The following EFNA5 variants were observed in gnomAD, a reference collection of about 807,000 sequenced individuals.
EFNA5 encodes ephrin A5.
Under a neutral mutation model 22.9 loss-of-function variants are expected in EFNA5, and 5 were observed. That is an observed-to-expected ratio of 0.22 (90% CI 0.11 to 0.46). The LOEUF is 0.46. EFNA5 is among the 20% of genes least tolerant of loss of function. The pLI, the probability that EFNA5 is intolerant of heterozygous loss-of-function variation, is 0.99. For missense variants in EFNA5, 237 were observed against 293.3 expected (o/e 0.81, Z 1.40); for synonymous variants, 113 against 112.2 (o/e 1.01, Z -0.04).
chr5:107,485,592 C>T (rs938205094), intron 1 of EFNA5, among the ~76,000 whole-genome samples: 4 of 152,258 alleles, frequency 2.6e-5, no homozygotes, highest in Admixed American at 2.6e-4. Context: ...TATTGCCATA[C>T]CTACTTCCTA....
At chr5:107,554,267 T>C (rs567960678) in intron 1 of EFNA5, among the ~76,000 whole-genome samples, 2 of 152,266 alleles carry the variant, frequency 1.3e-5, no homozygotes, top group South Asian at 4.1e-4. Flanking sequence ...AAGGGAGAAA[T>C]TAATTACACT....
At chr5:107,528,960 C>T (rs1747754059) in intron 1 of EFNA5, among the ~76,000 whole-genome samples, 1 of 152,008 alleles carries the variant, frequency 6.6e-6, no homozygotes, top group African/African-American at 2.4e-5. Context: ...GAAAGTATTA[C>T]TTTCATGAAA....
At chr5:107,389,103 A>C (rs1376108309) in intron 2 of EFNA5, among the ~76,000 whole-genome samples, 1 of 152,220 alleles carries the variant, frequency 6.6e-6, no homozygotes, top group African/African-American at 2.4e-5. Context: ...CTTTAATTTT[A>C]AAACAAAAGT....
intron 1 of EFNA5, among the ~76,000 whole-genome samples, chr5:107,555,551 A>G (rs1309227703): frequency 6.6e-6 from 1 of 152,244 alleles, no homozygotes; most frequent in Non-Finnish European, 1.5e-5. Context: ...ACTGAATGTT[A>G]AACATTCTGC....
intron 1 of EFNA5, among the ~76,000 whole-genome samples, chr5:107,559,278 G>T (rs1313406389): frequency 1.3e-5 from 2 of 152,106 alleles, no homozygotes; most frequent in Admixed American, 6.5e-5. Flanking sequence ...TCTGCTGTCT[G>T]GGGCTTTATT....
intron 2 of EFNA5, among the ~76,000 whole-genome samples, chr5:107,402,481 T>C (rs924795316): frequency 2.0e-5 from 3 of 152,224 alleles, no homozygotes; most frequent in African/African-American, 7.2e-5. Context: ...TCATGCCAAT[T>C]TGCTTTTACA....
At chr5:107,548,529 G>A (rs1476313828) in intron 1 of EFNA5, among the ~76,000 whole-genome samples, 1 of 152,164 alleles carries the variant, frequency 6.6e-6, no homozygotes, top group Non-Finnish European at 1.5e-5. Context: ...AAGATTGACA[G>A]GTAAAACTTG....
intron 1 of EFNA5, among the ~76,000 whole-genome samples, chr5:107,576,331 C>T (rs1748927463): frequency 6.6e-6 from 1 of 152,144 alleles, no homozygotes; most frequent in Non-Finnish European, 1.5e-5. Flanking sequence ...AGGAAATGAG[C>T]TAATAACATG....
intron 1 of EFNA5, among the ~76,000 whole-genome samples, chr5:107,659,784 T>C (rs1015246929): frequency 6.6e-6 from 1 of 152,050 alleles, no homozygotes; most frequent in Non-Finnish European, 1.5e-5. Context: ...TAACGAGATA[T>C]TCAGACTCAC....
intron 2 of EFNA5, among the ~76,000 whole-genome samples, chr5:107,418,819 C>T (rs1459793327): frequency 2.0e-5 from 3 of 152,090 alleles, no homozygotes; most frequent in South Asian, 2.1e-4. Context: ...ATCTATTAAG[C>T]GGTGATATCT....
chr5:107,639,625 C>T (rs1750459096), intron 1 of EFNA5, among the ~76,000 whole-genome samples: 1 of 152,110 alleles, frequency 6.6e-6, no homozygotes, highest in Non-Finnish European at 1.5e-5. Context: ...ATTAAGTGCC[C>T]AGCACAGGGC....
At chr5:107,544,972 T>A (rs1748117303) in intron 1 of EFNA5, among the ~76,000 whole-genome samples, 1 of 152,214 alleles carries the variant, frequency 6.6e-6, no homozygotes, top group African/African-American at 2.4e-5. Flanking sequence ...ACTGTCTACA[T>A]CCCCATCCTT....
chr5:107,407,337 C>T (rs1748251450), intron 2 of EFNA5, among the ~76,000 whole-genome samples: 1 of 152,200 alleles, frequency 6.6e-6, no homozygotes, highest in Admixed American at 6.5e-5. Flanking sequence ...TCAATGACCA[C>T]TTTCGCATCC....
At chr5:107,618,700 A>C (rs1749973558) in intron 1 of EFNA5, among the ~76,000 whole-genome samples, 1 of 152,196 alleles carries the variant, frequency 6.6e-6, no homozygotes, top group African/African-American at 2.4e-5. Context: ...AAACAAGAGG[A>C]AATCTATGAC....
chr5:107,466,494 G>A (rs1392239157), intron 1 of EFNA5, among the ~76,000 whole-genome samples: 1 of 152,116 alleles, frequency 6.6e-6, no homozygotes, highest in Non-Finnish European at 1.5e-5. Context: ...TTCATGCACA[G>A]GAGAACAAGG....
At chr5:107,668,934 C>A (rs1177232636) in intron 1 of EFNA5, among the ~76,000 whole-genome samples, 1 of 152,130 alleles carries the variant, frequency 6.6e-6, no homozygotes, top group Non-Finnish European at 1.5e-5. Context: ...CACCCACCTC[C>A]AGGAGACTCT....
At chr5:107,571,489 C>G (rs936278057) in intron 1 of EFNA5, among the ~76,000 whole-genome samples, 2 of 150,360 alleles carry the variant, frequency 1.3e-5, no homozygotes, top group Non-Finnish European at 3.0e-5. Context: ...CAATCACCCC[C>G]TCGTGCCAGA....
rs1377812420 is a variant in EFNA5, at chr5:107,591,944, TATATATA to T, written c.125+78538_125+78544del. On this transcript the variant is annotated intron_variant, in intron 1 of 4. Transcript: ENST00000333274. ...TATATATAATATATAATATATATAT[TATATATA>T]ATATATAATATATATAATATATATA... Among the ~76,000 whole-genome samples the T allele has an allele frequency of 6.2e-3, 82 of 13,154 alleles. 3 individuals are homozygous for T. The South Asian group carries it at 0.15, about 24-fold the overall frequency. The allele number at this position is 13,154 out of a possible 152,430, so 8.6% of individuals were successfully genotyped here. A position where few individuals can be genotyped will look rare whatever the true frequency, so the allele number is the denominator to read the frequency against.
chr5:107,469,420 A>G (rs1750079060), intron 1 of EFNA5, among the ~76,000 whole-genome samples: 1 of 152,050 alleles, frequency 6.6e-6, no homozygotes, highest in Admixed American at 6.6e-5. Context: ...CTGAATAAAG[A>G]CTTCTCAAAA....
Sources: gnomAD v4.1 joint callset for allele counts (sites outside exome capture counted in the v4.1 genomes callset) on GRCh38, gnomAD v4.1.1 for gene constraint, MANE v1.5 for transcripts, NCBI Gene and HGNC (gene_info 2026-07-23, HGNC 2026-07-21) for gene names.